BCL9: variants seen among roughly 807,000 people sequenced by gnomAD.
The protein encoded by BCL9 is B-cell CLL/lymphoma 9 protein.
In BCL9, 25 loss-of-function variants were observed where a neutral mutation model predicts 88.5. The ratio of observed to expected loss-of-function variants is 0.28; its 90% confidence interval spans 0.21 to 0.39. BCL9 has a LOEUF of 0.39. Among genes scored for constraint, BCL9 ranks in the 10% least tolerant of loss-of-function variants. The probability of loss-of-function intolerance (pLI) is 1.00; values close to 1 mark genes in which losing one functional copy is unlikely to be tolerated. For missense variants in BCL9, 1,817 were observed against 1,877.8 expected (o/e 0.97, Z 0.60); for synonymous variants, 711 against 673.3 (o/e 1.06, Z -0.87).
At chr1:147,611,530 T>G (rs1658001942) in intron 3 of BCL9, 48 bp from the exon 4 acceptor site, 1 of 433,980 alleles carries the variant, frequency 2.3e-6, no homozygotes, top group Non-Finnish European at 4.2e-6. Context: ...GGGTGTTTTA[T>G]GTCTCTGTTT....
chr1:147,577,434 C>T lies in BCL9; in HGVS notation c.-477-27343C>T, dbSNP rs1394482886. 1.2e-4 allele frequency among the ~76,000 whole-genome samples: 18 copies of T among 152,150 alleles called. 1 individual carries two copies. The highest frequency in any genetic ancestry group is 1.2e-3 in the Admixed American group (18 of 15,290). ...TCTTCTCTTATGACTATGGAAGGCA[C>T]TCATGTCTGAGTAGAGTGTGATTTT... On this transcript the variant is annotated intron_variant, in intron 1 of 9. Coordinates refer to ENST00000234739, the MANE Select transcript of BCL9 (RefSeq NM_004326.4).
chr1:147,576,423 T>C (rs1656115207), intron 1 of BCL9, among the ~76,000 whole-genome samples: 2 of 152,208 alleles, frequency 1.3e-5, no homozygotes, highest in Non-Finnish European at 2.9e-5. Flanking sequence ...CACTGACTCA[T>C]AAAGGTCAAT....
chr1:147,603,249 C>T (rs1164730926), intron 1 of BCL9, among the ~76,000 whole-genome samples: 1 of 152,154 alleles, frequency 6.6e-6, no homozygotes, highest in Non-Finnish European at 1.5e-5. Context: ...AAGGTAATGC[C>T]TCTCTCCCTT....
chr1:147,550,783 T>C (rs1654862064), intron 1 of BCL9, among the ~76,000 whole-genome samples: 1 of 152,220 alleles, frequency 6.6e-6, no homozygotes. Flanking sequence ...TATGTGACCT[T>C]GGGCTGGTTA....
At chr1:147,579,399 G>A (rs1656261580) in intron 1 of BCL9, among the ~76,000 whole-genome samples, 1 of 152,144 alleles carries the variant, frequency 6.6e-6, no homozygotes, top group Non-Finnish European at 1.5e-5. Context: ...TCTACTATAT[G>A]GAATATATAC....
rs1320196870 is a variant in BCL9, at chr1:147,584,071, G to A, written c.-477-20706G>A. Among the ~76,000 whole-genome samples the A allele has an allele frequency of 5.4e-5, 8 of 148,836 alleles. 1 individual carries two copies. The highest frequency in any genetic ancestry group is 5.3e-4 in the Admixed American group (8 of 15,034). On this transcript the variant is annotated intron_variant, in intron 1 of 9. Transcript: ENST00000234739. Reference sequence around the variant, plus strand: ...TGGATTCATTTTTTTTTTTGAGATGGAGTTTCACTCTTGTTGCCCAGGCTG... The same window carrying A: ...TGGATTCATTTTTTTTTTTGAGATGAAGTTTCACTCTTGTTGCCCAGGCTG...
In BCL9 at chr1:147,618,812, T is replaced by TCAGAACACA; in HGVS notation, c.662_670dup. On this transcript the variant is annotated splice_polypyrimidine_tract_variant and splice_region_variant and intron_variant, in intron 7 of 9. Coordinates refer to ENST00000234739, the MANE Select transcript of BCL9 (RefSeq NM_004326.4). ...TGATTTTTAAACTATTTGTTTGTCT[T>TCAGAACACA]CAGAACACACAGATATCTGCCCTTC... The TCAGAACACA allele has an allele frequency of 9.2e-6, 14 of 1,527,562 alleles. No individual in the cohort carries two copies. In the South Asian group the frequency reaches 1.8e-4, roughly 20 times the overall value. 94.6% of individuals were successfully genotyped at this position (1,527,562 alleles called of 1,614,324 possible).
intron 1 of BCL9, among the ~76,000 whole-genome samples, chr1:147,573,149 A>G (rs1216715393): frequency 6.6e-6 from 1 of 152,190 alleles, no homozygotes; most frequent in Non-Finnish European, 1.5e-5. Flanking sequence ...ATTGATGAAT[A>G]TTGTTAAAAA....
chr1:147,614,738 C>A, intron 6 of BCL9, 122 bp downstream of exon 6: 1 of 1,095,680 alleles, frequency 9.1e-7, no homozygotes, highest in Non-Finnish European at 1.3e-6. Context: ...AAACATAAAA[C>A]CTCCCCAACC....
chr1:147,585,768 C>T (rs896745374), intron 1 of BCL9, among the ~76,000 whole-genome samples: 2 of 152,058 alleles, frequency 1.3e-5, no homozygotes, highest in Non-Finnish European at 2.9e-5. Context: ...GTGCTTTAAG[C>T]GTTTTTATGT....
chr1:147,608,350 T>TTTC (rs1553202228), intron 3 of BCL9, among the ~76,000 whole-genome samples: 3 of 149,118 alleles, frequency 2.0e-5, no homozygotes, highest in Non-Finnish European at 4.5e-5. Flanking sequence ...TTTTTTTTTT[T>TTTC]AGCACGGAAA....
Position 147,587,621 on chromosome 1 carries a change from A to C in BCL9, c.-477-17156A>C, listed in dbSNP as rs587655746. ...TGTTGTGCCCAGCTAGCTGCTAAAC[A>C]ACCTCATTTAAGGGGTTAACTAATA... On this transcript the variant is annotated intron_variant, in intron 1 of 9. Transcript: ENST00000234739. Among the ~76,000 whole-genome samples, 8 of 152,300 alleles carry C rather than the reference A, an allele frequency of 5.3e-5. No individual in the cohort carries two copies. The East Asian group carries it at 9.7e-4, about 18-fold the overall frequency.
chr1:147,597,841 A>G (rs1479511074), intron 1 of BCL9, among the ~76,000 whole-genome samples: 4 of 152,340 alleles, frequency 2.6e-5, no homozygotes, highest in Non-Finnish European at 5.9e-5. Context: ...CGTATGTTTA[A>G]TATTCATTTG....
intron 1 of BCL9, among the ~76,000 whole-genome samples, chr1:147,599,084 A>G (rs782291436): frequency 5.3e-5 from 8 of 152,346 alleles, no homozygotes; most frequent in Admixed American, 1.3e-4. Flanking sequence ...AAGCGACGTG[A>G]GGTCCTGGAC....
chr1:147,611,805 C>T lies in BCL9; in HGVS notation c.-32C>T, dbSNP rs144244785. The T allele has an allele frequency of 8.1e-6, 13 of 1,610,032 alleles. No individual in the cohort carries two copies. Among genetic ancestry groups the T allele is most frequent in the East Asian group, 4.5e-5 (2 of 44,840 alleles). ...CGAGAGGAACTCGGTGAGCCTGTCC[C>T]GTTTGTGACTGCAAGCTCAGGATTT... On this transcript the variant is annotated 5_prime_UTR_variant, in exon 4 of 10. Coordinates refer to ENST00000234739, the MANE Select transcript of BCL9 (RefSeq NM_004326.4).
At chr1:147,553,310 A>T (rs1475874866) in intron 1 of BCL9, among the ~76,000 whole-genome samples, 1 of 152,140 alleles carries the variant, frequency 6.6e-6, no homozygotes, top group East Asian at 1.9e-4. Flanking sequence ...CTCTTTTCCC[A>T]AACTCTGCAG....
chr1:147,576,279 G>A (rs1461558976), intron 1 of BCL9, among the ~76,000 whole-genome samples: 3 of 152,098 alleles, frequency 2.0e-5, no homozygotes, highest in African/African-American at 7.2e-5. Context: ...TAAGTGAAAA[G>A]GCCCCTTCCA....
At chr1:147,579,612 G>T (rs2101547004) in intron 1 of BCL9, among the ~76,000 whole-genome samples, 1 of 152,268 alleles carries the variant, frequency 6.6e-6, no homozygotes, top group Middle Eastern at 3.4e-3. Flanking sequence ...CATGAATAGG[G>T]GCACACCTAA....
At chr1:147,575,259 T>A (rs1656057847) in intron 1 of BCL9, among the ~76,000 whole-genome samples, 1 of 152,190 alleles carries the variant, frequency 6.6e-6, no homozygotes, top group African/African-American at 2.4e-5. Flanking sequence ...GCATCACTCC[T>A]CTAGAAAGCT....
Sources: gnomAD v4.1 joint callset for allele counts (sites outside exome capture counted in the v4.1 genomes callset) on GRCh38, gnomAD v4.1.1 for gene constraint, MANE v1.5 for transcripts, NCBI Gene and HGNC (gene_info 2026-07-23, HGNC 2026-07-21) for gene names.